Variants in FAM135B observed in about 807,000 individuals in gnomAD.
FAM135B encodes protein FAM135B.
FAM135B carries 43 observed loss-of-function variants against 127.7 expected under a neutral mutation model. That is an observed-to-expected ratio of 0.34 (90% CI 0.26 to 0.43). The LOEUF is 0.43. Ranked by LOEUF, FAM135B falls within the 20% of genes least tolerant of loss-of-function variation. FAM135B has a pLI of 1.00. For missense variants in FAM135B, 1,558 were observed against 1,725.6 expected (o/e 0.90, Z 1.72); for synonymous variants, 670 against 665.1 (o/e 1.01, Z -0.11).
Position 138,243,154 on chromosome 8 carries a change from G to A in FAM135B, c.543-86C>T, listed in dbSNP as rs1586865912. The A allele has an allele frequency of 2.0e-6, 3 of 1,476,178 alleles. No individual in the cohort carries two copies. Among genetic ancestry groups the A allele is most frequent in the African/African-American group, 1.4e-5 (1 of 71,406 alleles). 91.4% of individuals were successfully genotyped at this position (1,476,178 alleles called of 1,614,324 possible). A position where few individuals can be genotyped will look rare whatever the true frequency, so the allele number is the denominator to read the frequency against. On this transcript the variant is annotated intron_variant, in intron 6 of 19. Transcript: ENST00000395297. This position sits in a 1 kb window ranked among gnomAD's most constrained non-coding sequence, Gnocchi z 7.5. The stretch of plus-strand genomic sequence containing the variant: ...CTCAGCCCCTTTGAGGAGTGTTCCT[G>A]TGAAGCATTTGGGATAAGTCATTTA...
chr8:138,266,607 G>A (rs7838035), intron 3 of FAM135B, among the ~76,000 whole-genome samples: 2 of 147,678 alleles, frequency 1.4e-5, no homozygotes, highest in Non-Finnish European at 3.0e-5. Flanking sequence ...ATATGTATAT[G>A]TATATATATG....
intron 1 of FAM135B, among the ~76,000 whole-genome samples, chr8:138,369,478 T>C (rs1013174846): frequency 6.6e-6 from 1 of 152,146 alleles, no homozygotes; most frequent in African/African-American, 2.4e-5. Flanking sequence ...AAATGTTTCA[T>C]CCGGGAAATA....
chr8:138,296,949 G>A (rs1251691679), intron 3 of FAM135B, among the ~76,000 whole-genome samples: 1 of 152,142 alleles, frequency 6.6e-6, no homozygotes, highest in Non-Finnish European at 1.5e-5. Flanking sequence ...GGGGAGCTCA[G>A]GGTAAGCACT....
chr8:138,414,404 A>C (rs899614240), intron 1 of FAM135B, among the ~76,000 whole-genome samples: 2 of 152,060 alleles, frequency 1.3e-5, no homozygotes, highest in Admixed American at 1.3e-4. Flanking sequence ...CTTCTAGTAC[A>C]GACTGTTGTT....
intron 1 of FAM135B, 46 bp from the exon 2 acceptor site, chr8:138,368,048 C>T (rs745840418): frequency 7.6e-5 from 105 of 1,389,480 alleles, no homozygotes; most frequent in Non-Finnish European, 1.0e-4. Context: ...ACATCAGCCA[C>T]TCAGAAAGAA....
chr8:138,412,169 C>T (rs1236190778), intron 1 of FAM135B, among the ~76,000 whole-genome samples: 2 of 152,142 alleles, frequency 1.3e-5, no homozygotes, highest in African/African-American at 4.8e-5. Context: ...CAGCATCATG[C>T]AATATACTCA....
At chr8:138,374,141 C>T (rs1050786939) in intron 1 of FAM135B, among the ~76,000 whole-genome samples, 1 of 152,160 alleles carries the variant, frequency 6.6e-6, no homozygotes, top group Non-Finnish European at 1.5e-5. Context: ...CATGTGATGT[C>T]TCCCTCGGAC....
chr8:138,463,895 T>A (rs564742998), intron 1 of FAM135B, among the ~76,000 whole-genome samples: 1 of 152,286 alleles, frequency 6.6e-6, no homozygotes, highest in East Asian at 1.9e-4. Context: ...GTAATTACCA[T>A]TATTAAAATA....
chr8:138,344,826 C>T (rs993061887), intron 2 of FAM135B, among the ~76,000 whole-genome samples: 1 of 152,098 alleles, frequency 6.6e-6, no homozygotes, highest in African/African-American at 2.4e-5. Flanking sequence ...CTGCCTGCCT[C>T]GGACTCCCAA....
chr8:138,343,774 C>T (rs1451455813), intron 2 of FAM135B, among the ~76,000 whole-genome samples: 1 of 152,224 alleles, frequency 6.6e-6, no homozygotes, highest in Non-Finnish European at 1.5e-5. Flanking sequence ...AATATTCTTG[C>T]ATCTCCCTGC....
chr8:138,131,315 A>G lies in FAM135B; in HGVS notation c.*1278T>C, dbSNP rs972715985. On this transcript the variant is annotated 3_prime_UTR_variant, in exon 20 of 20. Transcript: ENST00000395297. Reference sequence around the variant, plus strand: ...GTTCATTCATCTCTTCCATACAACGAAATGATTCTTTAGGCTTACTTTAGC... The same window carrying G: ...GTTCATTCATCTCTTCCATACAACGGAATGATTCTTTAGGCTTACTTTAGC... 1 of 152,184 alleles carries G rather than the reference A, an allele frequency of 6.6e-6. No individual in the cohort carries two copies. Among genetic ancestry groups the G allele is most frequent in the East Asian group, 1.9e-4 (1 of 5,184 alleles). The allele number at this position is 152,184 out of a possible 1,614,324, so 9.4% of individuals were successfully genotyped here. A position where few individuals can be genotyped will look rare whatever the true frequency, so the allele number is the denominator to read the frequency against.
intron 3 of FAM135B, among the ~76,000 whole-genome samples, chr8:138,294,572 C>T (rs1512382): frequency 0.057 from 8,661 of 151,966 alleles, 403 homozygotes; most frequent in East Asian, 0.24. Flanking sequence ...TTAAAGAAAT[C>T]GCACCACATG....
intron 6 of FAM135B, among the ~76,000 whole-genome samples, chr8:138,245,740 C>A (rs1375181928): frequency 6.6e-6 from 1 of 152,078 alleles, no homozygotes; most frequent in Admixed American, 6.6e-5. Context: ...GTGGGAGTGA[C>A]TTTAGAACTG....
chr8:138,178,765 T>G, intron 9 of FAM135B, 75 bp from the exon 10 acceptor site: 1 of 1,366,444 alleles, frequency 7.3e-7, no homozygotes, highest in Non-Finnish European at 1.0e-6. Flanking sequence ...CCTGAAGTCT[T>G]TACTGACTTT....
At chr8:138,237,746 C>T (rs1820414701) in intron 7 of FAM135B, among the ~76,000 whole-genome samples, 1 of 152,206 alleles carries the variant, frequency 6.6e-6, no homozygotes, top group Admixed American at 6.5e-5. Flanking sequence ...TGCCAGCAGA[C>T]TGCATTCAAC....
In FAM135B at chr8:138,266,116, G is replaced by A. The variant is rs116227983; in HGVS notation, c.158-274C>T. Among the ~76,000 whole-genome samples, 143 of 152,254 alleles carry A rather than the reference G, an allele frequency of 9.4e-4. 1 individual carries two copies. Among genetic ancestry groups the A allele is most frequent in the African/African-American group, 2.9e-3 (119 of 41,540 alleles). On this transcript the variant is annotated intron_variant, in intron 3 of 19. Transcript: ENST00000395297. Reference sequence around the variant, plus strand: ...GTGGGCAATGCTCCTGGGCTGCTATGCAGTGCCTGCTCAACTTCTCACCTG... The same window carrying A: ...GTGGGCAATGCTCCTGGGCTGCTATACAGTGCCTGCTCAACTTCTCACCTG...
intron 1 of FAM135B, among the ~76,000 whole-genome samples, chr8:138,491,232 A>G (rs1815187818): frequency 6.6e-6 from 1 of 152,166 alleles, no homozygotes; most frequent in South Asian, 2.1e-4. Context: ...AAGCTATATC[A>G]TCAATTAAAA....
intron 4 of FAM135B, among the ~76,000 whole-genome samples, chr8:138,261,986 C>G (rs528672055): frequency 1.3e-5 from 2 of 152,208 alleles, no homozygotes; most frequent in African/African-American, 4.8e-5. Context: ...ATCCAATTAA[C>G]TTTTATTATC....
chr8:138,404,275 TAA>T (rs970898043), intron 1 of FAM135B, among the ~76,000 whole-genome samples: 1 of 152,134 alleles, frequency 6.6e-6, no homozygotes, highest in African/African-American at 2.4e-5. Flanking sequence ...TATGTTTAAT[TAA>T]AAAAATGCAC....
Sources: allele counts gnomAD v4.1 joint callset (sites outside exome capture counted in the v4.1 genomes callset), GRCh38; gene constraint gnomAD v4.1.1; non-coding constraint Gnocchi (gnomAD v3.1); transcripts MANE v1.5; gene names NCBI Gene and HGNC (gene_info 2026-07-23, HGNC 2026-07-21).